Variants in MYPOP observed in about 807,000 individuals in gnomAD.
MYPOP encodes myb-related transcription factor, partner of profilin.
In MYPOP, 21 loss-of-function variants were observed where a neutral mutation model predicts 25.7. That is an observed-to-expected ratio of 0.82 (90% CI 0.58 to 1.18). MYPOP has a LOEUF of 1.18. Ranked by LOEUF, MYPOP falls within the 50% of genes most tolerant of loss-of-function variation. The pLI is 0.00. For synonymous variants in MYPOP, 280 were observed against 247.9 expected (o/e 1.13, Z -1.22); for missense variants, 566 against 588.3 (o/e 0.96, Z 0.39).
At position 45,891,192 on chromosome 19, in the gene MYPOP, C is replaced by T. The variant is rs1319911297; in HGVS notation, c.631G>A (p.Val211Ile). The change falls in exon 3 of 3, where the codon GTC (valine) becomes ATC (isoleucine). Residue 211 changes from valine (V) to isoleucine (I), a missense_variant. Coordinates refer to ENST00000322217, the MANE Select transcript of MYPOP (RefSeq NM_001012643.4). ...ESPPPSALQP[V>I]QLPRLALSPP... is the part of the protein sequence containing the mutation. Reference sequence around the variant, plus strand: ...GACAAGGCCAGGCGAGGCAGCTGGACCGGCTGCAGGGCCGAAGGGGGTGGT... The same window carrying T: ...GACAAGGCCAGGCGAGGCAGCTGGATCGGCTGCAGGGCCGAAGGGGGTGGT... 2.0e-6 allele frequency: 3 copies of T among 1,528,926 alleles called. No individual in the cohort carries two copies. Among genetic ancestry groups the T allele is most frequent in the Admixed American group, 4.0e-5 (2 of 50,436 alleles). The allele number at this position is 1,528,926 out of a possible 1,614,324, so 94.7% of individuals were successfully genotyped here.
At position 45,890,632 on chromosome 19, in the gene MYPOP, T is replaced by C; in HGVS notation, c.1191A>G (p.Lys397=). The change falls in exon 3 of 3, where the codon AAA becomes AAG. Residue 397 remains lysine (K), a synonymous_variant. Coordinates refer to ENST00000322217, the MANE Select transcript of MYPOP (RefSeq NM_001012643.4). The part of the protein sequence containing the change: ...FPTRKRRGRW[K]SP The stretch of plus-strand genomic sequence containing the variant: ...TCATAGATAGTAGATTTCACGGAGA[T>C]TTCCATCGGCCGCGCCTTTTCCGTG... The C allele has an allele frequency of 6.2e-7, 1 of 1,612,072 alleles. No individual in the cohort carries two copies. Among genetic ancestry groups the C allele is most frequent in the Non-Finnish European group, 8.5e-7 (1 of 1,179,242 alleles).
In MYPOP at chr19:45,901,149, A is replaced by G. The variant is rs1474121095; in HGVS notation, c.499+126T>C. The G allele has an allele frequency of 8.7e-6, 8 of 917,978 alleles. No individual in the cohort carries two copies. Among genetic ancestry groups the G allele is most frequent in the Non-Finnish European group, 1.0e-5 (7 of 675,032 alleles). The allele number at this position is 917,978 out of a possible 1,614,324, so 56.9% of individuals were successfully genotyped here. ...AAGTCATTTCATTTTTCTGAGCTTCAGTTTCCCTAGCTATAAAATGGGGCG... is the reference window on the plus strand; with the variant it reads ...AAGTCATTTCATTTTTCTGAGCTTCGGTTTCCCTAGCTATAAAATGGGGCG... On this transcript the variant is annotated intron_variant, in intron 2 of 2. Transcript: ENST00000322217. The surrounding 1 kb of genome is among the most constrained non-coding windows in gnomAD (Gnocchi z 5.7).
Position 45,890,868 on chromosome 19 carries a change from G to A in MYPOP, c.955C>T (p.Pro319Ser). The A allele has an allele frequency of 7.0e-7, 1 of 1,424,524 alleles. No individual in the cohort carries two copies. Among genetic ancestry groups the A allele is most frequent in the Non-Finnish European group, 9.2e-7 (1 of 1,090,862 alleles). The allele number at this position is 1,424,524 out of a possible 1,614,324, so 88.2% of individuals were successfully genotyped here. A position where few individuals can be genotyped will look rare whatever the true frequency, so the allele number is the denominator to read the frequency against. ...PLPPPPPPPP[P>S]PRPVLPPPAP... The stretch of plus-strand genomic sequence containing the variant: ...GGTGGGGGCAGGACAGGCCTGGGAG[G>A]TGGCGGTGGGGGTGGGGGTGGGGGC... The change falls in exon 3 of 3, where the codon CCT (proline) becomes TCT (serine). Residue 319 changes from proline (P) to serine (S), a missense_variant. Pro to Ser is a moderately conservative substitution (Grantham distance 74). Transcript: ENST00000322217.
At chr19:45,902,088 G>A (rs1264946740) in intron 1 of MYPOP, among the ~76,000 whole-genome samples, 3 of 150,712 alleles carry the variant, frequency 2.0e-5, no homozygotes, top group Non-Finnish European at 3.0e-5. Context: ...AGGGATGGAA[G>A]GAAAGGAGGA....
intron 2 of MYPOP, among the ~76,000 whole-genome samples, chr19:45,899,777 G>T (rs146957809): frequency 6.6e-6 from 1 of 152,108 alleles, no homozygotes; most frequent in African/African-American, 2.4e-5. Context: ...GGAGGCGGAG[G>T]TTGCAGCAAG....
rs2146383307 is a variant in MYPOP, at chr19:45,901,459, C to T, written c.315G>A (p.Ala105=). The T allele has an allele frequency of 2.5e-6, 4 of 1,598,538 alleles. No individual in the cohort carries two copies. Among genetic ancestry groups the T allele is most frequent in the Non-Finnish European group, 2.6e-6 (3 of 1,172,936 alleles). Residue 105 remains alanine (A), a synonymous_variant, in exon 2 of 3, where the codon GCG becomes GCA. Coordinates refer to ENST00000322217, the MANE Select transcript of MYPOP (RefSeq NM_001012643.4). The surrounding 1 kb of genome is among the most constrained non-coding windows in gnomAD (Gnocchi z 5.7). Reference sequence around the variant, plus strand: ...CCTCTTCCGCGGAGAAAGCGTCCTCCGCGGCGGGCCCGGCGCCCTGCGTGG... The same window carrying T: ...CCTCTTCCGCGGAGAAAGCGTCCTCTGCGGCGGGCCCGGCGCCCTGCGTGG... The part of the protein sequence containing the change: ...PHSTQGAGPA[A]EDAFSAEEET...
In MYPOP at chr19:45,901,449, A is replaced by C; in HGVS notation, c.325T>G (p.Phe109Val). ...QGAGPAAEDA[F>V]SAEEETIFAI... Reference sequence around the variant, plus strand: ...AAAATGGTCTCCTCTTCCGCGGAGAAAGCGTCCTCCGCGGCGGGCCCGGCG... The same window carrying C: ...AAAATGGTCTCCTCTTCCGCGGAGACAGCGTCCTCCGCGGCGGGCCCGGCG... The change falls in exon 2 of 3, where the codon TTC becomes GTC. Residue 109 changes from phenylalanine to valine, a missense_variant. Physicochemically the swap from Phe to Val is conservative, Grantham distance 50. Transcript: ENST00000322217. This position sits in a 1 kb window ranked among gnomAD's most constrained non-coding sequence, Gnocchi z 5.7. The C allele has an allele frequency of 6.3e-7, 1 of 1,595,010 alleles. No homozygotes were observed. The highest frequency in any genetic ancestry group is 2.3e-5 in the East Asian group (1 of 43,826).
rs746192154 is a variant in MYPOP at position 45,890,713 on chromosome 19, TG to T, written c.1109del (p.Pro370GlnfsTer36). 78 of 264,492 alleles carry T rather than the reference TG, an allele frequency of 2.9e-4. No individual in the cohort carries two copies. The highest frequency in any genetic ancestry group is 4.0e-4 in the East Asian group (4 of 10,074). 16.4% of individuals were successfully genotyped at this position (264,492 alleles called of 1,614,324 possible). The part of the protein sequence containing the change: ...RSEEGAPRPP[P>X]APLPPHDSPP... ...GGGAGTCGTGCGGAGGGAGCGGGGC[TG>T]GGGGGGGCCGGGGTGCCCCCTCCTC... On this transcript the variant is annotated frameshift_variant, in exon 3 of 3. Transcript: ENST00000322217. LOFTEE classifies it high-confidence loss of function.
In MYPOP at chr19:45,890,981, C is replaced by A; in HGVS notation, c.842G>T (p.Arg281Leu). The part of the protein sequence containing the change: ...NAIRELAGTL[R>L]QGLAKLSEAL... ...CTCGCTCAGTTTGGCCAGTCCCTGTCGAAGGGTGCCGGCCAGCTCCCGGAT... is the reference window on the plus strand; with the variant it reads ...CTCGCTCAGTTTGGCCAGTCCCTGTAGAAGGGTGCCGGCCAGCTCCCGGAT... Residue 281 changes from arginine (R) to leucine (L), a missense_variant, in exon 3 of 3, where the codon CGA becomes CTA. By Grantham distance (102) the Arg-to-Leu change is moderately radical. Coordinates refer to ENST00000322217, the MANE Select transcript of MYPOP (RefSeq NM_001012643.4). The A allele has an allele frequency of 2.7e-6, 4 of 1,504,394 alleles. No individual in the cohort carries two copies. The highest frequency in any genetic ancestry group is 1.3e-5 in the South Asian group (1 of 76,674). 93.2% of individuals were successfully genotyped at this position (1,504,394 alleles called of 1,614,324 possible). A position where few individuals can be genotyped will look rare whatever the true frequency, so the allele number is the denominator to read the frequency against.
chr19:45,899,493 T>G (rs933116228), intron 2 of MYPOP, among the ~76,000 whole-genome samples: 42 of 152,254 alleles, frequency 2.8e-4, no homozygotes, highest in African/African-American at 1.0e-3. Flanking sequence ...GGGTCCCATG[T>G]GATTGTGTCA....
rs1185717396 is a variant in MYPOP at position 45,901,798 on chromosome 19, G to A, written c.-25C>T. 9 of 1,377,044 alleles carry A rather than the reference G, an allele frequency of 6.5e-6. No homozygotes were observed. The highest frequency in any genetic ancestry group is 1.5e-5 in the African/African-American group (1 of 64,928). The allele number at this position is 1,377,044 out of a possible 1,614,324, so 85.3% of individuals were successfully genotyped here. On this transcript the variant is annotated 5_prime_UTR_variant, in exon 2 of 3. Coordinates refer to ENST00000322217, the MANE Select transcript of MYPOP (RefSeq NM_001012643.4). This position sits in a 1 kb window ranked among gnomAD's most constrained non-coding sequence, Gnocchi z 5.7. ...TGGCGCCCCCCGACGCCGCCGTCCT[G>A]CCGTCTGGCGCATGGGGGGCGCCGG...
chr19:45,890,631 A>G lies in MYPOP; in HGVS notation c.1192T>C (p.Ser398Pro). 1 of 1,581,944 alleles carries G rather than the reference A, an allele frequency of 6.3e-7. No homozygotes were observed. The highest frequency in any genetic ancestry group is 1.1e-5 in the South Asian group (1 of 90,368). The change falls in exon 3 of 3, where the codon TCT becomes CCT. Residue 398 changes from serine (S) to proline (P), a missense_variant. Ser to Pro is a moderately conservative substitution (Grantham distance 74). Transcript: ENST00000322217. The stretch of plus-strand genomic sequence containing the variant: ...ATCATAGATAGTAGATTTCACGGAG[A>G]TTTCCATCGGCCGCGCCTTTTCCGT... The part of the protein sequence containing the change: ...PTRKRRGRWK[S>P]P
At position 45,896,667 on chromosome 19, in the gene MYPOP, G is replaced by A. The variant is rs549538225; in HGVS notation, c.499+4608C>T. ...GGAGTCTCGCTCTGTCGCCCAGGCC[G>A]GACTGCGGACTGCAGTGGCGCAATC... On this transcript the variant is annotated intron_variant, in intron 2 of 2. Coordinates refer to ENST00000322217, the MANE Select transcript of MYPOP (RefSeq NM_001012643.4). Among the ~76,000 whole-genome samples the A allele has an allele frequency of 1.6e-4, 24 of 148,448 alleles. 1 individual carries two copies. The highest frequency in any genetic ancestry group is 6.9e-3 in the Middle Eastern group (2 of 288).
Position 45,901,303 on chromosome 19 carries a change from C to G in MYPOP, c.471G>C (p.Ser157=), listed in dbSNP as rs371877412. 806 of 1,455,786 alleles carry G rather than the reference C, an allele frequency of 5.5e-4. 6 individuals carry two copies. The African/African-American group carries it at 0.011, about 19-fold the overall frequency. The allele number at this position is 1,455,786 out of a possible 1,614,324, so 90.2% of individuals were successfully genotyped here. A position where few individuals can be genotyped will look rare whatever the true frequency, so the allele number is the denominator to read the frequency against. Residue 157 remains serine (S), a synonymous_variant, in exon 2 of 3, where the codon TCG becomes TCC. Coordinates refer to ENST00000322217, the MANE Select transcript of MYPOP (RefSeq NM_001012643.4). This position sits in a 1 kb window ranked among gnomAD's most constrained non-coding sequence, Gnocchi z 5.7. ...CACGTCGGTCCTCCCGGCGGTCTTCCGACAACACGTAGCGCTGAGGGCAGG... is the reference window on the plus strand; with the variant it reads ...CACGTCGGTCCTCCCGGCGGTCTTCGGACAACACGTAGCGCTGAGGGCAGG... The part of the protein sequence containing the change: ...PSACPQRYVL[S]EDRREDRRAD...
At position 45,890,741 on chromosome 19, in the gene MYPOP, C is replaced by T. The variant is rs1015770754; in HGVS notation, c.1082G>A (p.Ser361Asn). 6 of 1,564,900 alleles carry T rather than the reference C, an allele frequency of 3.8e-6. No homozygotes were observed. In the African/African-American group the frequency reaches 5.4e-5, roughly 14 times the overall value. The change falls in exon 3 of 3, where the codon AGC becomes AAC. Residue 361 changes from serine to asparagine, a missense_variant. By Grantham distance (46) the Ser-to-Asn change is conservative (BLOSUM62 1). Transcript: ENST00000322217. ...GGGGGGCCGGGGTGCCCCCTCCTCG[C>T]TCCTTGGGGCAATGATCACTCCCCT... ...AARGVIIAPR[S>N]EEGAPRPPPA...
rs2146383041 is a variant in MYPOP, at chr19:45,901,332, T to C, written c.442A>G (p.Ser148Gly). The change falls in exon 2 of 3, where the codon AGC becomes GGC. Residue 148 changes from serine to glycine, a missense_variant. Transcript: ENST00000322217. This position sits in a 1 kb window ranked among gnomAD's most constrained non-coding sequence, Gnocchi z 5.7. The part of the protein sequence containing the change: ...AAPSSQPPPP[S>G]ACPQRYVLSE... The stretch of plus-strand genomic sequence containing the variant: ...AACACGTAGCGCTGAGGGCAGGCGC[T>C]TGGGGGCGGCGGCTGTGAAGAGGGG... The C allele has an allele frequency of 1.4e-6, 2 of 1,459,328 alleles. No homozygotes were observed. Among genetic ancestry groups the C allele is most frequent in the South Asian group, 1.5e-5 (1 of 68,850 alleles). 90.4% of individuals were successfully genotyped at this position (1,459,328 alleles called of 1,614,324 possible). A position where few individuals can be genotyped will look rare whatever the true frequency, so the allele number is the denominator to read the frequency against.
In MYPOP at chr19:45,901,814, G is replaced by C. The variant is rs1157351386; in HGVS notation, c.-41C>G. 7.4e-7 allele frequency: 1 copy of C among 1,344,306 alleles called. No individual in the cohort carries two copies. The highest frequency in any genetic ancestry group is 1.5e-5 in the African/African-American group (1 of 64,542). 83.3% of individuals were successfully genotyped at this position (1,344,306 alleles called of 1,614,324 possible). On this transcript the variant is annotated 5_prime_UTR_variant, in exon 2 of 3. Coordinates refer to ENST00000322217, the MANE Select transcript of MYPOP (RefSeq NM_001012643.4). This position sits in a 1 kb window ranked among gnomAD's most constrained non-coding sequence, Gnocchi z 5.7. ...CGCCGTCCTGCCGTCTGGCGCATGG[G>C]GGGCGCCGGCGCTGCGGGCAAAGGG...
chr19:45,899,845 CA>C (rs1352222726), intron 2 of MYPOP, among the ~76,000 whole-genome samples: 1 of 151,910 alleles, frequency 6.6e-6, no homozygotes, highest in Non-Finnish European at 1.5e-5. Context: ...CGTCTCAAAA[CA>C]AAAAACAAAA....
chr19:45,890,477 T>A lies in MYPOP; in HGVS notation c.*146A>T. On this transcript the variant is annotated 3_prime_UTR_variant, in exon 3 of 3. Transcript: ENST00000322217. ...CATTACTGAGGCCCCCCCCAGAGAATCAGGCACTAACTAGCACAGGGAGTG... is the reference window on the plus strand; with the variant it reads ...CATTACTGAGGCCCCCCCCAGAGAAACAGGCACTAACTAGCACAGGGAGTG... The A allele has an allele frequency of 1.5e-6, 2 of 1,327,976 alleles. No homozygotes were observed. Among genetic ancestry groups the A allele is most frequent in the Non-Finnish European group, 2.0e-6 (2 of 1,004,496 alleles). 82.3% of individuals were successfully genotyped at this position (1,327,976 alleles called of 1,614,324 possible).
Sources: gnomAD v4.1 joint callset for allele counts (sites outside exome capture counted in the v4.1 genomes callset) on GRCh38, gnomAD v4.1.1 for gene constraint, Gnocchi (gnomAD v3.1) non-coding constraint, MANE v1.5 for transcripts, NCBI Gene and HGNC (gene_info 2026-07-23, HGNC 2026-07-21) for gene names.